MAP2K4: variants seen among roughly 807,000 people sequenced by gnomAD.
MAP2K4 encodes mitogen-activated protein kinase kinase 4, also known as dual specificity mitogen-activated protein kinase kinase 4.
MAP2K4 carries 4 observed loss-of-function variants against 48.5 expected under a neutral mutation model. That is an observed-to-expected ratio of 0.08 (90% CI 0.04 to 0.19). MAP2K4 has a LOEUF of 0.19. Ranked by LOEUF, MAP2K4 falls within the 10% of genes least tolerant of loss-of-function variation. The pLI is 1.00. For synonymous variants in MAP2K4, 166 were observed against 173.1 expected (o/e 0.96, Z 0.32); for missense variants, 258 against 493.3 (o/e 0.52, Z 4.52).
chr17:12,095,039 T>C (rs1971688566), intron 3 of MAP2K4, among the ~76,000 whole-genome samples: 1 of 152,178 alleles, frequency 6.6e-6, no homozygotes, highest in African/African-American at 2.4e-5. Context: ...CCTGGTGCAC[T>C]GCTCCTATAC....
intron 3 of MAP2K4, among the ~76,000 whole-genome samples, chr17:12,087,745 A>G (rs1367740505): frequency 6.6e-6 from 1 of 152,166 alleles, no homozygotes. Context: ...AAAATCATAT[A>G]TGCTTTCACA....
In MAP2K4 at chr17:12,081,992, C is replaced by T. The variant is rs201275631; in HGVS notation, c.393+462C>T. On this transcript the variant is annotated intron_variant, in intron 3 of 10. Coordinates refer to ENST00000353533, the MANE Select transcript of MAP2K4 (RefSeq NM_003010.4). The surrounding 1 kb of genome is among the most constrained non-coding windows in gnomAD (Gnocchi z 4.2). Reference sequence around the variant, plus strand: ...TGTTGCCACTAACCTCAACCTTACTCGGTCCTGACCGGCTCGGCTTCTGTT... The same window carrying T: ...TGTTGCCACTAACCTCAACCTTACTTGGTCCTGACCGGCTCGGCTTCTGTT... The T allele has an allele frequency of 3.8e-6, 2 of 529,448 alleles. No individual in the cohort carries two copies. Among genetic ancestry groups the T allele is most frequent in the Admixed American group, 2.0e-5 (1 of 51,042 alleles). The allele number at this position is 529,448 out of a possible 1,614,324, so 32.8% of individuals were successfully genotyped here. A position where few individuals can be genotyped will look rare whatever the true frequency, so the allele number is the denominator to read the frequency against.
intron 1 of MAP2K4, among the ~76,000 whole-genome samples, chr17:12,048,194 G>GA (rs1970026459): frequency 6.6e-6 from 1 of 152,104 alleles, no homozygotes; most frequent in South Asian, 2.1e-4. Flanking sequence ...TTTTTTGGCA[G>GA]AATGCCCAAC....
intron 2 of MAP2K4, among the ~76,000 whole-genome samples, chr17:12,074,498 A>G (rs1970929510): frequency 6.6e-6 from 1 of 152,136 alleles, no homozygotes; most frequent in Admixed American, 6.5e-5. Flanking sequence ...TAACTACTTT[A>G]TTGGTTTCCA....
At chr17:12,124,142 A>G (rs1972777429) in intron 7 of MAP2K4, among the ~76,000 whole-genome samples, 1 of 152,226 alleles carries the variant, frequency 6.6e-6, no homozygotes, top group Non-Finnish European at 1.5e-5. Context: ...GCTCAAAGCA[A>G]TATACAGATG....
intron 9 of MAP2K4, among the ~76,000 whole-genome samples, chr17:12,130,424 A>G (rs555081972): frequency 6.6e-6 from 1 of 152,294 alleles, no homozygotes; most frequent in East Asian, 1.9e-4. Context: ...CATAAATGTG[A>G]TCATTTTATG....
intron 1 of MAP2K4, among the ~76,000 whole-genome samples, chr17:12,048,961 A>G (rs190554386): frequency 2.6e-5 from 4 of 152,204 alleles, no homozygotes; most frequent in African/African-American, 7.2e-5. Context: ...CTGACCTAAC[A>G]TCTCTTTTTC....
At chr17:12,131,517 T>C (rs1973022231) in intron 9 of MAP2K4, among the ~76,000 whole-genome samples, 1 of 152,022 alleles carries the variant, frequency 6.6e-6, no homozygotes, top group Non-Finnish European at 1.5e-5. Flanking sequence ...AGCGCTGGGA[T>C]TACAGGCATG....
At chr17:12,042,671 A>G (rs1335104520) in intron 1 of MAP2K4, among the ~76,000 whole-genome samples, 4 of 151,550 alleles carry the variant, frequency 2.6e-5, no homozygotes, top group Non-Finnish European at 5.9e-5. Flanking sequence ...ACTGTGATTC[A>G]CTATGGAGTC....
At chr17:12,046,431 C>T (rs1207489848) in intron 1 of MAP2K4, among the ~76,000 whole-genome samples, 1 of 152,172 alleles carries the variant, frequency 6.6e-6, no homozygotes, top group African/African-American at 2.4e-5. Flanking sequence ...CTTTGATTAG[C>T]TGGCTCCCTG....
chr17:12,098,482 A>G (rs548021768), intron 4 of MAP2K4, among the ~76,000 whole-genome samples: 2 of 151,820 alleles, frequency 1.3e-5, no homozygotes, highest in South Asian at 4.2e-4. Flanking sequence ...CATCTCAAAA[A>G]AAAAAAAAAA....
At chr17:12,123,437 G>T (rs1355291773) in intron 7 of MAP2K4, among the ~76,000 whole-genome samples, 2 of 152,126 alleles carry the variant, frequency 1.3e-5, no homozygotes, top group African/African-American at 4.8e-5. Flanking sequence ...TTTTCTGTGG[G>T]TCAGTCTAGC....
chr17:12,130,540 T>C (rs1171057214), intron 9 of MAP2K4, among the ~76,000 whole-genome samples: 2 of 152,244 alleles, frequency 1.3e-5, no homozygotes, highest in African/African-American at 4.8e-5. Context: ...TCTTTTTAAC[T>C]CCTTGATCTC....
chr17:12,141,114 C>T (rs1311591025), intron 10 of MAP2K4, 33 bp from the exon 11 acceptor site: 10 of 1,408,714 alleles, frequency 7.1e-6, no homozygotes, highest in Non-Finnish European at 6.0e-6. Flanking sequence ...GTCATACAAA[C>T]TTTTGACTTT....
At position 12,064,886 on chromosome 17, in the gene MAP2K4, G is replaced by C. The variant is rs150651966; in HGVS notation, c.218+9895G>C. Among the ~76,000 whole-genome samples the C allele has an allele frequency of 2.3e-3, 354 of 152,280 alleles. 1 individual carries two copies. The highest frequency in any genetic ancestry group is 8.3e-3 in the African/African-American group (343 of 41,546). ...CAAAATACTCTTCCTCAATAAAGTG[G>C]AGAAAATACTGATACCTGCAGTCAT... On this transcript the variant is annotated intron_variant, in intron 2 of 10. Transcript: ENST00000353533.
intron 2 of MAP2K4, among the ~76,000 whole-genome samples, chr17:12,072,820 A>G (rs1016496082): frequency 1.6e-4 from 24 of 152,188 alleles, no homozygotes; most frequent in Non-Finnish European, 3.2e-4. Context: ...TCTCATCGAC[A>G]TGTTTAAATA....
chr17:12,031,608 T>A (rs1461943816), intron 1 of MAP2K4, among the ~76,000 whole-genome samples: 4 of 152,212 alleles, frequency 2.6e-5, no homozygotes, highest in Non-Finnish European at 5.9e-5. Context: ...CAGATCCAAC[T>A]GGATTTGAAA....
chr17:12,046,355 T>C (rs1276297686), intron 1 of MAP2K4, among the ~76,000 whole-genome samples: 1 of 152,144 alleles, frequency 6.6e-6, no homozygotes, highest in African/African-American at 2.4e-5. Flanking sequence ...GGATAAGCTT[T>C]TTATATTTTG....
intron 2 of MAP2K4, among the ~76,000 whole-genome samples, chr17:12,062,064 C>G (rs569345405): frequency 2.0e-5 from 3 of 146,890 alleles, no homozygotes; most frequent in East Asian, 4.4e-4. Context: ...CCCTCTCCCC[C>G]CCCTTTTTTT....
Sources: allele counts gnomAD v4.1 joint callset (sites outside exome capture counted in the v4.1 genomes callset), GRCh38; gene constraint gnomAD v4.1.1; non-coding constraint Gnocchi (gnomAD v3.1); transcripts MANE v1.5; gene names NCBI Gene and HGNC (gene_info 2026-07-23, HGNC 2026-07-21).